Variants in DGAT2 observed in about 807,000 individuals in gnomAD.
DGAT2 encodes acyl-CoA retinol O-fatty-acyltransferase.
Under a neutral mutation model 48.4 loss-of-function variants are expected in DGAT2, and 33 were observed. That is an observed-to-expected ratio of 0.68 (90% CI 0.52 to 0.91). The LOEUF (loss-of-function observed/expected upper bound fraction) is 0.91. Ranked by LOEUF, DGAT2 falls within the 40% of genes least tolerant of loss-of-function variation. The pLI, the probability that DGAT2 is intolerant of heterozygous loss-of-function variation, is 0.00. For missense variants in DGAT2, 446 were observed against 493.7 expected, an observed-to-expected ratio of 0.90 and a Z score of 0.92; for synonymous variants, 191 against 194.1, an observed-to-expected ratio of 0.98 and a Z score of 0.13.
At chr11:75,782,009 G>A (rs1944870475) in intron 1 of DGAT2, among the ~76,000 whole-genome samples, 1 of 152,160 alleles carries the variant, frequency 6.6e-6, no homozygotes, top group Admixed American at 6.5e-5. Context: ...CAAGCTGCAT[G>A]GGGGCTGGCC....
At chr11:75,789,157 T>G (rs1944956115) in intron 2 of DGAT2, among the ~76,000 whole-genome samples, 1 of 151,958 alleles carries the variant, frequency 6.6e-6, no homozygotes. Context: ...GGTTTTTTTT[T>G]TTTTACTTTT....
Position 75,783,891 on chromosome 11 carries a change from T to C in DGAT2, c.122-727T>C, listed in dbSNP as rs547969109. The stretch of plus-strand genomic sequence containing the variant: ...GCACTTGATTGATAGTGAACATAAT[T>C]ACAGCCCTCAGTGTCCTTCAGGCTG... On this transcript the variant is annotated intron_variant, in intron 1 of 7. Coordinates refer to ENST00000228027, the MANE Select transcript of DGAT2 (RefSeq NM_032564.5). Among the ~76,000 whole-genome samples the C allele has an allele frequency of 7.2e-5, 11 of 152,252 alleles. No homozygotes were observed. The East Asian group carries it at 1.9e-3, about 27-fold the overall frequency.
chr11:75,792,966 A>G (rs1389536571), intron 4 of DGAT2: 1 of 152,246 alleles, frequency 6.6e-6, no homozygotes, highest in African/African-American at 2.4e-5. Context: ...CGTGCTGTGT[A>G]AACTTAAGCA....
chr11:75,798,709 A>C (rs201793212), intron 7 of DGAT2, among the ~76,000 whole-genome samples: 1 of 152,178 alleles, frequency 6.6e-6, no homozygotes, highest in African/African-American at 2.4e-5. Flanking sequence ...AGGGAAGACT[A>C]TTGCAGCAAA....
intron 2 of DGAT2, among the ~76,000 whole-genome samples, chr11:75,788,742 T>C (rs778495823): frequency 2.0e-5 from 3 of 152,134 alleles, no homozygotes; most frequent in Non-Finnish European, 2.9e-5. Context: ...TGGCCTCCCT[T>C]CTTGGGCAGT....
At chr11:75,787,492 T>C (rs977073135) in intron 2 of DGAT2, among the ~76,000 whole-genome samples, 1 of 152,214 alleles carries the variant, frequency 6.6e-6, no homozygotes, top group South Asian at 2.1e-4. Context: ...CACAAGTGTC[T>C]TTGTAGGCCA....
At chr11:75,798,137 G>A (rs1298610924) in intron 6 of DGAT2, 90 bp from the exon 7 acceptor site, 2 of 1,335,828 alleles carry the variant, frequency 1.5e-6, no homozygotes, top group Non-Finnish European at 2.1e-6. Flanking sequence ...GGGGGAGGGG[G>A]ATGCTTGGCC....
intron 4 of DGAT2, 107 bp from the exon 5 acceptor site, chr11:75,796,221 C>T (rs1363274235): frequency 2.1e-6 from 2 of 930,278 alleles, no homozygotes; most frequent in Non-Finnish European, 3.4e-6. Flanking sequence ...CCCTCAGGCC[C>T]ATGGAGGTCC....
intron 6 of DGAT2, 103 bp from the exon 7 acceptor site, chr11:75,798,124 G>C (rs1945075459): frequency 8.1e-7 from 1 of 1,228,766 alleles, no homozygotes; most frequent in Non-Finnish European, 1.2e-6. Flanking sequence ...GGTACACCCA[G>C]CTGGGGGAGG....
intron 7 of DGAT2, 91 bp downstream of exon 7, chr11:75,798,520 A>ATCAGAG: frequency 7.0e-7 from 1 of 1,434,890 alleles, no homozygotes; most frequent in Non-Finnish European, 9.5e-7. Flanking sequence ...AATGCAGGCC[A>ATCAGAG]CCTGGCTCTG....
chr11:75,784,835 G>T, intron 2 of DGAT2, 89 bp downstream of exon 2: 1 of 1,550,838 alleles, frequency 6.4e-7, no homozygotes. Context: ...CTACAGGGGT[G>T]AGGGAATAAG....
chr11:75,776,138 T>G (rs753781178), intron 1 of DGAT2: 1 of 152,224 alleles, frequency 6.6e-6, no homozygotes, highest in Non-Finnish European at 1.5e-5. Flanking sequence ...GACCTTTCCC[T>G]CCTGATTCCC....
At chr11:75,782,025 G>T (rs896150256) in intron 1 of DGAT2, among the ~76,000 whole-genome samples, 1 of 152,088 alleles carries the variant, frequency 6.6e-6, no homozygotes, top group Non-Finnish European at 1.5e-5. Context: ...TGGCCCTGGC[G>T]TCAAGGTAGG....
At chr11:75,800,233 C>A in intron 7 of DGAT2, 121 bp from the exon 8 acceptor site, 1 of 1,223,624 alleles carries the variant, frequency 8.2e-7, no homozygotes, top group Non-Finnish European at 1.1e-6. Context: ...GCACATAAAG[C>A]ATTTGGCACA....
rs890684651 is a variant in DGAT2 at position 75,796,231 on chromosome 11, C to T, written c.430-97C>T. 8.6e-6 allele frequency: 9 copies of T among 1,044,854 alleles called. No homozygotes were observed. In the African/African-American group the frequency reaches 9.4e-5, roughly 11 times the overall value. The allele number at this position is 1,044,854 out of a possible 1,614,324, so 64.7% of individuals were successfully genotyped here. ...TGCAGCCCTCAGGCCCATGGAGGTC[C>T]AGGGGAAATGACACATCCAATCCCT... is the stretch of plus-strand genomic sequence containing the variant. On this transcript the variant is annotated intron_variant, in intron 4 of 7. Transcript: ENST00000228027.
At position 75,784,709 on chromosome 11, in the gene DGAT2, C is replaced by G; in HGVS notation, c.213C>G (p.Ile71Met). 6.2e-7 allele frequency: 1 copy of G among 1,614,126 alleles called. No individual in the cohort carries two copies. Among genetic ancestry groups the G allele is most frequent in the Non-Finnish European group, 8.5e-7 (1 of 1,180,000 alleles). ...AGGTGGAAAAGCAGCTACAGGTCAT[C>G]TCAGTGCTCCAGTGGGTCCTGTCCT... is the stretch of plus-strand genomic sequence containing the variant. ...RSKVEKQLQV[I>M]SVLQWVLSFL... The change falls in exon 2 of 8, where the codon ATC (isoleucine) becomes ATG (methionine). Residue 71 changes from isoleucine (I) to methionine (M), a missense_variant. Ile to Met is a conservative substitution (Grantham distance 10). Transcript: ENST00000228027.
At chr11:75,789,594 T>C (rs1944962094) in intron 2 of DGAT2, among the ~76,000 whole-genome samples, 2 of 152,184 alleles carry the variant, frequency 1.3e-5, no homozygotes, top group African/African-American at 4.8e-5. Flanking sequence ...TCTGGGACTT[T>C]GGTGAATTTC....
At chr11:75,785,879 A>G (rs1216281895) in intron 2 of DGAT2, among the ~76,000 whole-genome samples, 2 of 152,206 alleles carry the variant, frequency 1.3e-5, no homozygotes, top group Admixed American at 6.5e-5. Flanking sequence ...TTCATCAACT[A>G]CCTGCTACTG....
At chr11:75,783,341 T>G (rs746406401) in intron 1 of DGAT2, among the ~76,000 whole-genome samples, 1 of 152,216 alleles carries the variant, frequency 6.6e-6, no homozygotes. Flanking sequence ...TCCTTCCTCC[T>G]AAAAGTCAAA....
Sources: gnomAD v4.1 joint callset for allele counts (sites outside exome capture counted in the v4.1 genomes callset) on GRCh38, gnomAD v4.1.1 for gene constraint, MANE v1.5 for transcripts, NCBI Gene and HGNC (gene_info 2026-07-23, HGNC 2026-07-21) for gene names.